Variants in HSD17B3 observed in about 807,000 individuals in gnomAD.
HSD17B3 encodes the protein 17-beta-hydroxysteroid dehydrogenase type 3.
HSD17B3 carries 29 observed loss-of-function variants against 41.1 expected under a neutral mutation model. The ratio of observed to expected loss-of-function variants is 0.71; its 90% CI spans 0.53 to 0.96. The LOEUF (loss-of-function observed/expected upper bound fraction) is 0.96, where lower values mean the gene tolerates loss of function less well. HSD17B3 is among the 40% of genes least tolerant of loss of function. The pLI, the probability that HSD17B3 is intolerant of heterozygous loss-of-function variation, is 0.00. For missense variants in HSD17B3, 323 were observed against 374.6 expected, an observed-to-expected ratio of 0.86 and a Z score of 1.14; for synonymous variants, 126 against 145.6, an observed-to-expected ratio of 0.87 and a Z score of 0.97.
chr9:96,276,972 T>G (rs2987357), intron 2 of HSD17B3, among the ~76,000 whole-genome samples: 1 of 152,062 alleles, frequency 6.6e-6, no homozygotes, highest in Non-Finnish European at 1.5e-5. Flanking sequence ...GAGGCTGAGG[T>G]GGGTGAGTCA....
At chr9:96,273,455 G>A (rs185181500) in intron 2 of HSD17B3, among the ~76,000 whole-genome samples, 17 of 152,224 alleles carry the variant, frequency 1.1e-4, no homozygotes, top group African/African-American at 3.6e-4. Flanking sequence ...GGCTGTGACT[G>A]TCCCTCATGG....
intron 1 of HSD17B3, among the ~76,000 whole-genome samples, chr9:96,301,656 A>C (rs1827611190): frequency 6.7e-6 from 1 of 149,344 alleles, no homozygotes; most frequent in Non-Finnish European, 1.5e-5. Context: ...GGTTGCAGTG[A>C]GCAGAGATCG....
chr9:96,251,288 A>G (rs1235591090), intron 5 of HSD17B3, 130 bp downstream of exon 5: 4 of 741,614 alleles, frequency 5.4e-6, no homozygotes, highest in Non-Finnish European at 9.6e-6. Context: ...AGGGGGCCTC[A>G]ATACATACAG....
intron 2 of HSD17B3, among the ~76,000 whole-genome samples, chr9:96,296,416 A>C (rs1011633932): frequency 6.6e-6 from 1 of 152,184 alleles, no homozygotes; most frequent in African/African-American, 2.4e-5. Flanking sequence ...CCAGAACCCT[A>C]AGAAATACAT....
Position 96,252,338 on chromosome 9 carries a change from T to C in HSD17B3, c.385+465A>G, listed in dbSNP as rs557727863. On this transcript the variant is annotated intron_variant, in intron 4 of 10. Coordinates refer to ENST00000375263, the MANE Select transcript of HSD17B3 (RefSeq NM_000197.2). Reference sequence around the variant, plus strand: ...GGCAGGTGGATCACGAGGTCAGGAGTTTGAGACCAGCCTGGCCAATATGGT... The same window carrying C: ...GGCAGGTGGATCACGAGGTCAGGAGCTTGAGACCAGCCTGGCCAATATGGT... Among the ~76,000 whole-genome samples, 8 of 150,974 alleles carry C rather than the reference T, an allele frequency of 5.3e-5. No individual in the cohort carries two copies. The East Asian group carries it at 1.6e-3, about 29-fold the overall frequency.
Position 96,293,159 on chromosome 9 carries a change from G to A in HSD17B3, c.201+5257C>T, listed in dbSNP as rs112746683. Reference sequence around the variant, plus strand: ...ACAAGATATTCTTCTTCTCTGTAGCGGTGAACATTGTGTTTCAACTTGACT... The same window carrying A: ...ACAAGATATTCTTCTTCTCTGTAGCAGTGAACATTGTGTTTCAACTTGACT... On this transcript the variant is annotated intron_variant, in intron 2 of 10. Coordinates refer to ENST00000375263, the MANE Select transcript of HSD17B3 (RefSeq NM_000197.2). Among the ~76,000 whole-genome samples, 550 of 152,242 alleles carry A rather than the reference G, an allele frequency of 3.6e-3. 7 individuals carry two copies. Among genetic ancestry groups the A allele is most frequent in the African/African-American group, 0.012 (510 of 41,536 alleles).
chr9:96,244,594 C>T (rs574821617), intron 8 of HSD17B3, among the ~76,000 whole-genome samples, 200 bp from the exon 9 acceptor site: 14 of 151,650 alleles, frequency 9.2e-5, no homozygotes, highest in African/African-American at 3.4e-4. Flanking sequence ...AGCATGGTGA[C>T]AAAAGCTAAC....
intron 3 of HSD17B3, among the ~76,000 whole-genome samples, chr9:96,253,830 A>G (rs1416055367): frequency 1.3e-5 from 2 of 152,202 alleles, no homozygotes; most frequent in African/African-American, 4.8e-5. Flanking sequence ...CAAACACTGA[A>G]GAATGTCTCG....
chr9:96,255,877 G>A (rs1414632112), intron 2 of HSD17B3, among the ~76,000 whole-genome samples: 1 of 152,172 alleles, frequency 6.6e-6, no homozygotes. Context: ...ATAATGCCTG[G>A]ACTCCAGAGG....
At chr9:96,265,417 C>T (rs923072693) in intron 2 of HSD17B3, among the ~76,000 whole-genome samples, 6 of 152,168 alleles carry the variant, frequency 3.9e-5, no homozygotes, top group Admixed American at 1.3e-4. Context: ...GAGTTGTGCT[C>T]TTACAACACT....
chr9:96,247,076 C>G (rs1385503804), intron 6 of HSD17B3: 2 of 231,356 alleles, frequency 8.6e-6, no homozygotes, highest in Non-Finnish European at 1.7e-5. Flanking sequence ...TGAAATAGCT[C>G]CGTGGACACA....
intron 6 of HSD17B3, among the ~76,000 whole-genome samples, chr9:96,247,648 T>A (rs758975813): frequency 7.9e-5 from 12 of 152,190 alleles, no homozygotes; most frequent in Non-Finnish European, 1.5e-4. Flanking sequence ...CCGCTTTCCG[T>A]GAATGACTTC....
intron 1 of HSD17B3, among the ~76,000 whole-genome samples, chr9:96,298,764 A>C (rs1243940487): frequency 6.6e-6 from 1 of 152,156 alleles, no homozygotes; most frequent in East Asian, 1.9e-4. Flanking sequence ...ACAGATCCGC[A>C]GCCAGGGAAC....
chr9:96,260,738 C>T (rs1178858595), intron 2 of HSD17B3, among the ~76,000 whole-genome samples: 2 of 152,174 alleles, frequency 1.3e-5, no homozygotes, highest in Non-Finnish European at 2.9e-5. Flanking sequence ...GTACTCCAGC[C>T]TGGCGACAGA....
chr9:96,300,597 AT>A (rs1371692505), intron 1 of HSD17B3, among the ~76,000 whole-genome samples: 1 of 95,640 alleles, frequency 1.0e-5, no homozygotes, highest in Non-Finnish European at 2.1e-5. Context: ...CATTTTTGTC[AT>A]TGGATTCTTT....
At chr9:96,237,831 G>A (rs1045886386) in intron 10 of HSD17B3, among the ~76,000 whole-genome samples, 1 of 152,166 alleles carries the variant, frequency 6.6e-6, no homozygotes, top group Non-Finnish European at 1.5e-5. Context: ...TAAAAGGAAA[G>A]GTCAAGAAAA....
chr9:96,282,287 G>C (rs990124448), intron 2 of HSD17B3, among the ~76,000 whole-genome samples: 2 of 151,940 alleles, frequency 1.3e-5, no homozygotes, highest in Non-Finnish European at 2.9e-5. Flanking sequence ...TTGATTAATT[G>C]GTTTAAAAAT....
intron 2 of HSD17B3, among the ~76,000 whole-genome samples, chr9:96,293,827 C>T (rs1052240562): frequency 6.6e-6 from 1 of 152,168 alleles, no homozygotes; most frequent in Non-Finnish European, 1.5e-5. Context: ...CTGAGCAAAC[C>T]ATTTTGCCTG....
chr9:96,267,102 CCAGA>C, intron 2 of HSD17B3, among the ~76,000 whole-genome samples: 1 of 151,940 alleles, frequency 6.6e-6, no homozygotes, highest in Non-Finnish European at 1.5e-5. Context: ...AGACAGACTG[CCAGA>C]CAAACGCGGG....
Sources: allele counts gnomAD v4.1 joint callset (sites outside exome capture counted in the v4.1 genomes callset), GRCh38; gene constraint gnomAD v4.1.1; transcripts MANE v1.5; gene names NCBI Gene and HGNC (gene_info 2026-07-23, HGNC 2026-07-21).